The following SLC43A1 variants were observed in gnomAD, a reference collection of about 807,000 sequenced individuals.
SLC43A1 encodes large neutral amino acids transporter small subunit 3.
Under a neutral mutation model 59.5 loss-of-function variants are expected in SLC43A1, and 31 were observed. The ratio of observed to expected loss-of-function variants is 0.52; its 90% CI spans 0.39 to 0.70. SLC43A1 has a LOEUF of 0.70. SLC43A1 is among the 30% of genes least tolerant of loss of function. The pLI, the probability that SLC43A1 is intolerant of heterozygous loss-of-function variation, is 0.00. For synonymous variants in SLC43A1, 259 were observed against 290.9 expected (o/e 0.89, Z 1.12); for missense variants, 598 against 717.8 (o/e 0.83, Z 1.91).
Position 57,514,382 on chromosome 11 carries a change from C to T in SLC43A1, c.-13-258G>A, listed in dbSNP as rs1944629792. 5 of 461,676 alleles carry T rather than the reference C, an allele frequency of 1.1e-5. No individual in the cohort carries two copies. In the South Asian group the frequency reaches 1.4e-4, roughly 13 times the overall value. 28.6% of individuals were successfully genotyped at this position (461,676 alleles called of 1,614,324 possible). On this transcript the variant is annotated intron_variant, in intron 1 of 14. Transcript: ENST00000278426. This position sits in a 1 kb window ranked among gnomAD's most constrained non-coding sequence, Gnocchi z 5.5. ...AGGTCCTGTCTGCGCGCTGCAGCTT[C>T]CTAGCAGGCTGCCGGGTTCTCTCAC...
chr11:57,489,543 C>T, intron 11 of SLC43A1, 151 bp from the exon 12 acceptor site: 2 of 901,884 alleles, frequency 2.2e-6, no homozygotes, highest in Non-Finnish European at 1.7e-6. Flanking sequence ...CCATAGAAAC[C>T]CACGTTCTCT....
intron 5 of SLC43A1, 54 bp downstream of exon 5, chr11:57,500,725 G>A (rs1301956396): frequency 1.3e-6 from 2 of 1,525,916 alleles, no homozygotes; most frequent in Admixed American, 1.7e-5. Context: ...CACTCACTCT[G>A]CCCTCACCCC....
chr11:57,502,986 C>T (rs965121722), intron 2 of SLC43A1, among the ~76,000 whole-genome samples: 3 of 152,076 alleles, frequency 2.0e-5, no homozygotes, highest in Admixed American at 6.6e-5. Flanking sequence ...GGACATCTGC[C>T]CTCAGTAGTG....
rs779788161 is a variant in SLC43A1 at position 57,497,736 on chromosome 11, C to A, written c.558+17G>T. 1 of 1,604,762 alleles carries A rather than the reference C, an allele frequency of 6.2e-7. No homozygotes were observed. Among genetic ancestry groups the A allele is most frequent in the South Asian group, 1.1e-5 (1 of 90,670 alleles). On this transcript the variant is annotated intron_variant, in intron 6 of 14. Transcript: ENST00000278426. ...TTCTTGTGTCAAGACAAAAAGAAAA[C>A]CCAGGTGGCCTCATACCTTGATTCC...
Position 57,514,695 on chromosome 11 carries a change from C to G in SLC43A1, c.-13-571G>C, listed in dbSNP as rs908448731. On this transcript the variant is annotated intron_variant, in intron 1 of 14. Transcript: ENST00000278426. The surrounding 1 kb of genome is among the most constrained non-coding windows in gnomAD (Gnocchi z 5.5). ...GGTGACCCACGACCCTACAGTCTCT[C>G]GGGCCAAGCCAACAGCTGCCACGTG... The G allele has an allele frequency of 6.5e-5, 27 of 417,296 alleles. No homozygotes were observed. Among genetic ancestry groups the G allele is most frequent in the Non-Finnish European group, 8.7e-5 (27 of 310,366 alleles). 25.8% of individuals were successfully genotyped at this position (417,296 alleles called of 1,614,324 possible). A position where few individuals can be genotyped will look rare whatever the true frequency, so the allele number is the denominator to read the frequency against.
chr11:57,491,998 A>T (rs1391045113), intron 8 of SLC43A1, 136 bp from the exon 9 acceptor site: 5 of 853,116 alleles, frequency 5.9e-6, no homozygotes, highest in South Asian at 3.5e-5. Context: ...CAAAGACGGG[A>T]AAGTTCAGAT....
At chr11:57,486,831 T>A (rs1045580747) in intron 14 of SLC43A1, among the ~76,000 whole-genome samples, 1 of 151,536 alleles carries the variant, frequency 6.6e-6, no homozygotes, top group African/African-American at 2.4e-5. Flanking sequence ...TAAAAATAAA[T>A]AAATAAATAA....
At chr11:57,510,666 TAAAAATTA>T (rs971300392) in intron 2 of SLC43A1, among the ~76,000 whole-genome samples, 3 of 151,178 alleles carry the variant, frequency 2.0e-5, no homozygotes, top group African/African-American at 7.3e-5. Context: ...TATGAGAAAT[TAAAAATTA>T]AAAAATTAAA....
intron 7 of SLC43A1, chr11:57,494,420 G>C (rs1347748343): frequency 4.1e-6 from 2 of 486,340 alleles, no homozygotes; most frequent in Non-Finnish European, 7.2e-6. Flanking sequence ...CCATGGAGGA[G>C]GCAGCATTAA....
chr11:57,496,235 C>G (rs1944083171), intron 6 of SLC43A1, 71 bp from the exon 7 acceptor site: 3 of 1,549,252 alleles, frequency 1.9e-6, no homozygotes, highest in East Asian at 2.3e-5. Context: ...AGATCCCAGG[C>G]CTCAGAGGCC....
At position 57,514,986 on chromosome 11, in the gene SLC43A1, G is replaced by T; in HGVS notation, c.-14+458C>A. ...CCCCGCCGCGGCCGCTGCAGCCTCG[G>T]CGGGAGGAGAGGGAACGCGGGCGGC... On this transcript the variant is annotated intron_variant, in intron 1 of 14. Coordinates refer to ENST00000278426, the MANE Select transcript of SLC43A1 (RefSeq NM_003627.6). This position sits in a 1 kb window ranked among gnomAD's most constrained non-coding sequence, Gnocchi z 5.5. 1.0e-6 allele frequency: 1 copy of T among 980,658 alleles called. No homozygotes were observed. Among genetic ancestry groups the T allele is most frequent in the Non-Finnish European group, 1.2e-6 (1 of 825,660 alleles). 60.7% of individuals were successfully genotyped at this position (980,658 alleles called of 1,614,324 possible).
In SLC43A1 at chr11:57,514,120, C is replaced by A; in HGVS notation, c.-9G>T. The A allele has an allele frequency of 6.3e-7, 1 of 1,574,902 alleles. No individual in the cohort carries two copies. Among genetic ancestry groups the A allele is most frequent in the East Asian group, 2.3e-5 (1 of 42,576 alleles). On this transcript the variant is annotated 5_prime_UTR_variant, in exon 2 of 15. Coordinates refer to ENST00000278426, the MANE Select transcript of SLC43A1 (RefSeq NM_003627.6). The surrounding 1 kb of genome is among the most constrained non-coding windows in gnomAD (Gnocchi z 5.5). Reference sequence around the variant, plus strand: ...TGCAGCGTGGGGGCCATGCTGGCCCCGAGCCTGCACAGAAACAGAGCGCTG... The same window carrying A: ...TGCAGCGTGGGGGCCATGCTGGCCCAGAGCCTGCACAGAAACAGAGCGCTG...
At position 57,501,199 on chromosome 11, in the gene SLC43A1, C is replaced by A; in HGVS notation, c.285G>T (p.Gly95=). The A allele has an allele frequency of 6.2e-7, 1 of 1,612,388 alleles. No individual in the cohort carries two copies. The highest frequency in any genetic ancestry group is 8.5e-7 in the Non-Finnish European group (1 of 1,180,026). Residue 95 remains glycine (G), a synonymous_variant, in exon 3 of 15, where the codon GGG becomes GGT. Coordinates refer to ENST00000278426, the MANE Select transcript of SLC43A1 (RefSeq NM_003627.6). ...GGGGGCCAAAGCGGTCCATGAGGAT[C>A]CCCAGTGGCAGGGTGGTGGCGCTGA... ...FVLSATTLPL[G]ILMDRFGPRP... is the part of the protein sequence containing the mutation.
chr11:57,491,827 TG>T lies in SLC43A1; in HGVS notation c.906del (p.Thr303LeufsTer11), dbSNP rs757154585. 6 of 1,613,852 alleles carry T rather than the reference TG, an allele frequency of 3.7e-6. No homozygotes were observed. Among genetic ancestry groups the T allele is most frequent in the Non-Finnish European group, 5.1e-6 (6 of 1,179,982 alleles). ...SVPLRKSLCS[P>X]TFLWSLLTMG... ...ATGGTGAGGAGGCTCCACAGGAAAG[TG>T]GGGGAGCAGAGGCTCTTGCGTAAGG... On this transcript the variant is annotated frameshift_variant, in exon 9 of 15. Coordinates refer to ENST00000278426, the MANE Select transcript of SLC43A1 (RefSeq NM_003627.6). LOFTEE classifies it high-confidence loss of function.
chr11:57,488,999 AAAAG>A lies in SLC43A1; in HGVS notation c.1336-14_1336-11del, dbSNP rs1465923321. 6.2e-7 allele frequency: 1 copy of A among 1,613,404 alleles called. No homozygotes were observed. Among genetic ancestry groups the A allele is most frequent in the Non-Finnish European group, 8.5e-7 (1 of 1,179,274 alleles). ...GGACAAAGGTCACAAACTAAAACCA[AAAAG>A]AGAGAGTGAAGAGGTTAGGAGAGTG... On this transcript the variant is annotated splice_polypyrimidine_tract_variant and intron_variant, in intron 12 of 14. Transcript: ENST00000278426.
chr11:57,508,508 C>A (rs905322262), intron 2 of SLC43A1, among the ~76,000 whole-genome samples: 2 of 152,160 alleles, frequency 1.3e-5, no homozygotes, highest in Non-Finnish European at 1.5e-5. Context: ...GCAGATCAGG[C>A]AACAGCACCC....
chr11:57,501,314 T>C lies in SLC43A1; in HGVS notation c.170A>G (p.Asn57Ser), dbSNP rs1199597473. ...CCTGCGCTGCTCATCCTGGGTGGTG[T>C]TGGTGCTGCTCTCAGCTGAGGAGGG... Reference protein sequence around the residue: ...SSTCPAESSTNTTQDEQRRWP... With the variant: ...SSTCPAESSTSTTQDEQRRWP... The change falls in exon 3 of 15, where the codon AAC becomes AGC. Residue 57 changes from asparagine (N) to serine (S), a missense_variant. By Grantham distance (46) the Asn-to-Ser change is conservative. Coordinates refer to ENST00000278426, the MANE Select transcript of SLC43A1 (RefSeq NM_003627.6). The C allele has an allele frequency of 1.9e-6, 3 of 1,610,002 alleles. No homozygotes were observed. Among genetic ancestry groups the C allele is most frequent in the Non-Finnish European group, 2.5e-6 (3 of 1,179,964 alleles).
intron 12 of SLC43A1, 31 bp downstream of exon 12, chr11:57,489,220 G>T (rs913441458): frequency 1.2e-6 from 2 of 1,613,478 alleles, no homozygotes; most frequent in African/African-American, 1.3e-5. Context: ...GCCTCGGGAG[G>T]CAGGGAGAGG....
intron 7 of SLC43A1, among the ~76,000 whole-genome samples, chr11:57,495,565 G>A (rs1199150180): frequency 6.6e-6 from 1 of 152,030 alleles, no homozygotes; most frequent in African/African-American, 2.4e-5. Flanking sequence ...AGTGGCTCAC[G>A]CCTGTAATCG....
Sources: allele counts gnomAD v4.1 joint callset (sites outside exome capture counted in the v4.1 genomes callset), GRCh38; gene constraint gnomAD v4.1.1; non-coding constraint Gnocchi (gnomAD v3.1); transcripts MANE v1.5; gene names NCBI Gene and HGNC (gene_info 2026-07-23, HGNC 2026-07-21).